The following LRMDA variants were observed in gnomAD, a reference collection of about 807,000 sequenced individuals.
LRMDA encodes leucine-rich melanocyte differentiation-associated protein.
A neutral mutation model predicts 29.8 loss-of-function variants in LRMDA; 18 were observed. That is an observed-to-expected ratio of 0.60 (90% confidence interval 0.42 to 0.90). The LOEUF is 0.90. LRMDA is among the 40% of genes least tolerant of loss of function. The probability of loss-of-function intolerance (pLI) is 0.00; values close to 1 mark genes in which losing one functional copy is unlikely to be tolerated. For missense variants in LRMDA, 273 were observed against 273.9 expected (o/e 1.00, Z 0.02); for synonymous variants, 125 against 109.4 (o/e 1.14, Z -0.89).
intron 6 of LRMDA, among the ~76,000 whole-genome samples, chr10:76,402,729 T>G (rs893037210): frequency 6.6e-6 from 1 of 152,188 alleles, no homozygotes; most frequent in Non-Finnish European, 1.5e-5. Context: ...TCTAGGTCTG[T>G]AGTCCAGTAT....
At chr10:75,636,127 A>G (rs1204504138) in intron 2 of LRMDA, among the ~76,000 whole-genome samples, 1 of 151,826 alleles carries the variant, frequency 6.6e-6, no homozygotes, top group Non-Finnish European at 1.5e-5. Context: ...CTATCCACCT[A>G]TGTACCTATG....
intron 6 of LRMDA, among the ~76,000 whole-genome samples, chr10:76,344,931 GA>G (rs201415267): frequency 0.01 from 1,470 of 145,542 alleles, 26 homozygotes; most frequent in South Asian, 0.044. Flanking sequence ...TACAAGTACT[GA>G]AAAAAAAGCA....
At chr10:76,483,959 A>G (rs1036954544) in intron 6 of LRMDA, among the ~76,000 whole-genome samples, 21 of 151,868 alleles carry the variant, frequency 1.4e-4, no homozygotes, top group African/African-American at 4.8e-4. Context: ...ATGCCATAGT[A>G]ATTACTATAG....
intron 6 of LRMDA, among the ~76,000 whole-genome samples, chr10:76,353,846 G>C (rs888957743): frequency 5.9e-5 from 9 of 152,128 alleles, no homozygotes; most frequent in Admixed American, 2.0e-4. Flanking sequence ...TTTGTAATAA[G>C]GGGGGACATG....
At chr10:76,206,948 G>T (rs954178378) in intron 5 of LRMDA, among the ~76,000 whole-genome samples, 1 of 152,162 alleles carries the variant, frequency 6.6e-6, no homozygotes, top group Non-Finnish European at 1.5e-5. Context: ...GCACATCATC[G>T]CATTCAGTGG....
chr10:76,025,941 C>A (rs1412083415), intron 2 of LRMDA, among the ~76,000 whole-genome samples: 1 of 152,116 alleles, frequency 6.6e-6, no homozygotes, highest in Non-Finnish European at 1.5e-5. Context: ...TAGCAAAGTA[C>A]TAAGCACAGA....
intron 3 of LRMDA, among the ~76,000 whole-genome samples, chr10:76,036,589 G>A (rs1848250755): frequency 6.6e-6 from 1 of 152,220 alleles, no homozygotes; most frequent in Non-Finnish European, 1.5e-5. Flanking sequence ...TCTGGGGCAG[G>A]CTTGGGGAAC....
chr10:76,053,249 G>A (rs1386421214), intron 4 of LRMDA, among the ~76,000 whole-genome samples: 1 of 152,094 alleles, frequency 6.6e-6, no homozygotes, highest in Non-Finnish European at 1.5e-5. Flanking sequence ...AATAGCTCGT[G>A]GAAGCTGACA....
At chr10:76,005,871 A>G (rs913303853) in intron 2 of LRMDA, among the ~76,000 whole-genome samples, 16 of 151,922 alleles carry the variant, frequency 1.1e-4, no homozygotes, top group Non-Finnish European at 2.2e-4. Flanking sequence ...CGGAGCTTGC[A>G]GTGAGCCGAG....
intron 5 of LRMDA, among the ~76,000 whole-genome samples, chr10:76,104,493 C>A (rs973558776): frequency 1.4e-5 from 2 of 146,322 alleles, no homozygotes; most frequent in African/African-American, 5.1e-5. Context: ...TGCCAGGCTG[C>A]CCTCCCTGCA....
intron 6 of LRMDA, among the ~76,000 whole-genome samples, chr10:76,508,096 A>G (rs1005655255): frequency 1.3e-5 from 2 of 152,184 alleles, no homozygotes; most frequent in South Asian, 2.1e-4. Flanking sequence ...CCAGAATAGC[A>G]TACTGCATCC....
At chr10:75,770,776 T>C (rs1843229333) in intron 2 of LRMDA, among the ~76,000 whole-genome samples, 1 of 152,186 alleles carries the variant, frequency 6.6e-6, no homozygotes, top group Non-Finnish European at 1.5e-5. Context: ...AAACTCTCCT[T>C]GCTCGGGTCT....
intron 2 of LRMDA, among the ~76,000 whole-genome samples, chr10:75,611,632 C>T (rs1307828949): frequency 1.3e-5 from 2 of 152,130 alleles, no homozygotes. Context: ...GGACTTTTGT[C>T]CTTTTGTGAC....
At chr10:76,011,594 C>T (rs916296123) in intron 2 of LRMDA, among the ~76,000 whole-genome samples, 1 of 152,160 alleles carries the variant, frequency 6.6e-6, no homozygotes, top group Non-Finnish European at 1.5e-5. Context: ...ATGTGAGGAT[C>T]GTGTGCAAGT....
chr10:76,401,178 A>T (rs893472517), intron 6 of LRMDA, among the ~76,000 whole-genome samples: 10 of 152,112 alleles, frequency 6.6e-5, no homozygotes, highest in Middle Eastern at 3.2e-3. Context: ...AATGGATGGT[A>T]TGCTCTCAGT....
At chr10:75,597,540 G>C (rs1164595614) in intron 2 of LRMDA, among the ~76,000 whole-genome samples, 1 of 152,214 alleles carries the variant, frequency 6.6e-6, no homozygotes, top group Non-Finnish European at 1.5e-5. Context: ...TACTCCTTGT[G>C]AGCACGGGAG....
At chr10:75,578,787 C>T (rs1055586408) in intron 2 of LRMDA, among the ~76,000 whole-genome samples, 2 of 149,280 alleles carry the variant, frequency 1.3e-5, no homozygotes, top group South Asian at 4.2e-4. Context: ...TCCTGAATGA[C>T]TACTGGGCAA....
intron 6 of LRMDA, among the ~76,000 whole-genome samples, chr10:76,451,439 T>G (rs960071668): frequency 2.0e-5 from 3 of 152,046 alleles, no homozygotes; most frequent in African/African-American, 7.2e-5. Context: ...TCTCCTGACC[T>G]CGTGATCCGC....
At chr10:75,574,193 T>C (rs1437645130) in intron 2 of LRMDA, among the ~76,000 whole-genome samples, 1 of 152,188 alleles carries the variant, frequency 6.6e-6, no homozygotes, top group African/African-American at 2.4e-5. Flanking sequence ...AGGGCTTATA[T>C]CCAGGTCTGA....
Sources: gnomAD v4.1 joint callset for allele counts (sites outside exome capture counted in the v4.1 genomes callset) on GRCh38, gnomAD v4.1.1 for gene constraint, MANE v1.5 for transcripts, NCBI Gene and HGNC (gene_info 2026-07-23, HGNC 2026-07-21) for gene names.